The following BRIX1 variants were observed in gnomAD, a reference collection of about 807,000 sequenced individuals.
BRIX1 encodes ribosome biogenesis protein BRX1 homolog.
BRIX1 carries 15 observed loss-of-function variants against 44.0 expected under a neutral mutation model. That is an observed-to-expected ratio of 0.34 (90% CI 0.23 to 0.53). BRIX1 has a LOEUF of 0.53. Ranked by LOEUF, BRIX1 falls within the 20% of genes least tolerant of loss-of-function variation. BRIX1 has a pLI of 0.95. For synonymous variants in BRIX1, 149 were observed against 135.4 expected, an observed-to-expected ratio of 1.10 and a Z score of -0.70; for missense variants, 420 against 432.8, an observed-to-expected ratio of 0.97 and a Z score of 0.26.
Position 34,915,751 on chromosome 5 carries a change from A to G in BRIX1, c.13A>G (p.Lys5Glu), listed in dbSNP as rs41270681. ...GCGGCGAGGCAAGATGGCGGCAACC[A>G]AGAGGAAACGGCGTGGAGGCTTTGC... MAAT[K>E]RKRRGGFAVQ... The change falls in exon 1 of 10, where the codon AAG becomes GAG. Residue 5 changes from lysine to glutamate, a missense_variant. Transcript: ENST00000336767. 3.7e-6 allele frequency: 6 copies of G among 1,603,608 alleles called. No homozygotes were observed. Among genetic ancestry groups the G allele is most frequent in the Non-Finnish European group, 5.1e-6 (6 of 1,175,266 alleles).
chr5:34,918,344 A>T lies in BRIX1; in HGVS notation c.160-20A>T. 1 of 1,239,532 alleles carries T rather than the reference A, an allele frequency of 8.1e-7. No homozygotes were observed. The highest frequency in any genetic ancestry group is 1.2e-6 in the Non-Finnish European group (1 of 847,458). 76.8% of individuals were successfully genotyped at this position (1,239,532 alleles called of 1,614,324 possible). A position where few individuals can be genotyped will look rare whatever the true frequency, so the allele number is the denominator to read the frequency against. ...TCAGTATAAGATTTTAAAATCTTTT[A>T]ACATTTTCTTTTTCTTTAGGGAAAG... On this transcript the variant is annotated intron_variant, in intron 1 of 9. Coordinates refer to ENST00000336767, the MANE Select transcript of BRIX1 (RefSeq NM_018321.4).
At chr5:34,916,988 T>G (rs1339454565) in intron 1 of BRIX1, among the ~76,000 whole-genome samples, 1 of 152,218 alleles carries the variant, frequency 6.6e-6, no homozygotes, top group African/African-American at 2.4e-5. Context: ...TGAGCCATAC[T>G]TCGATACATT....
chr5:34,918,070 G>C, intron 1 of BRIX1: 1 of 204,934 alleles, frequency 4.9e-6, no homozygotes, highest in East Asian at 1.1e-4. Flanking sequence ...CCAGCGCTTT[G>C]GGAGGCCAAG....
At position 34,922,266 on chromosome 5, in the gene BRIX1, A is replaced by G. The variant is rs1232925414; in HGVS notation, c.365A>G (p.Lys122Arg). ...AAATGCATCTATTTTGAAGCTAAGA[A>G]AAAACAGGATCTCTATATGTGGTAA... ...CNKCIYFEAKKKQDLYMWLSN... is the reference protein window; with the variant it reads ...CNKCIYFEAKRKQDLYMWLSN... Residue 122 changes from lysine (K) to arginine (R), a missense_variant, in exon 4 of 10, where the codon AAA becomes AGA. Lys to Arg is a conservative substitution (Grantham distance 26). Transcript: ENST00000336767. 2 of 1,590,230 alleles carry G rather than the reference A, an allele frequency of 1.3e-6. No individual in the cohort carries two copies. Among genetic ancestry groups the G allele is most frequent in the Admixed American group, 1.7e-5 (1 of 58,606 alleles).
chr5:34,918,140 CA>C (rs1184236238), intron 1 of BRIX1: 4,403 of 103,310 alleles, frequency 0.043, no homozygotes, highest in Middle Eastern at 0.068. Context: ...CCCATCTCTA[CA>C]AAAAAAAAAA....
intron 2 of BRIX1, among the ~76,000 whole-genome samples, chr5:34,919,278 A>C (rs1044543322): frequency 6.8e-6 from 1 of 147,886 alleles, no homozygotes; most frequent in Non-Finnish European, 1.5e-5. Context: ...CTGTCTCAAA[A>C]AAAAAAAAAA....
intron 8 of BRIX1, 76 bp from the exon 9 acceptor site, chr5:34,924,771 T>A (rs1764316228): frequency 1.1e-6 from 1 of 911,614 alleles, no homozygotes; most frequent in South Asian, 1.7e-5. Flanking sequence ...GGCACATTTA[T>A]AATGAGGTTA....
rs761108919 is a variant in BRIX1 at position 34,924,974 on chromosome 5, T to C, written c.791T>C (p.Met264Thr). The C allele has an allele frequency of 3.1e-6, 5 of 1,612,666 alleles. No individual in the cohort carries two copies. Among genetic ancestry groups the C allele is most frequent in the Admixed American group, 3.3e-5 (2 of 59,918 alleles). ...YENPHYQSPN[M>T]HRRVIRSITA... is the part of the protein sequence containing the mutation. ...AATCCTCACTACCAGTCACCAAACA[T>C]GGTAAGCGGTTGTGTCATTCAGTAG... The change falls in exon 9 of 10, where the codon ATG (methionine) becomes ACG (threonine). Residue 264 changes from methionine to threonine, a missense_variant and splice_region_variant. Met to Thr is a moderately conservative substitution (Grantham distance 81, BLOSUM62 -1). Transcript: ENST00000336767.
Position 34,922,751 on chromosome 5 carries a change from C to T in BRIX1, c.493C>T (p.Leu165Phe), listed in dbSNP as rs770554511. The T allele has an allele frequency of 1.7e-5, 27 of 1,613,866 alleles. No homozygotes were observed. The highest frequency in any genetic ancestry group is 1.6e-4 in the Middle Eastern group (1 of 6,082). The change falls in exon 6 of 10, where the codon CTT (leucine) becomes TTT (phenylalanine). Residue 165 changes from leucine to phenylalanine, a missense_variant. Coordinates refer to ENST00000336767, the MANE Select transcript of BRIX1 (RefSeq NM_018321.4). ...AAACTGTTTGAAAGGTTCTCGGCCC[C>T]TTTTGTCTTTTGACCCTGTAAGTTT... ...TGNCLKGSRP[L>F]LSFDPAFDEL...
At chr5:34,923,681 G>A (rs2111986162) in intron 8 of BRIX1, among the ~76,000 whole-genome samples, 1 of 152,284 alleles carries the variant, frequency 6.6e-6, no homozygotes, top group Non-Finnish European at 1.5e-5. Context: ...AGGTGGGATT[G>A]CAGTTGTGAG....
rs1311655915 is a variant in BRIX1 at position 34,925,548 on chromosome 5, A to G, written c.*53A>G. On this transcript the variant is annotated 3_prime_UTR_variant, in exon 10 of 10. Transcript: ENST00000336767. ...GTTACTTTATATTTATTTTGTATTCAATGTGTAAATACTTTTATTATCTAA... is the reference window on the plus strand; with the variant it reads ...GTTACTTTATATTTATTTTGTATTCGATGTGTAAATACTTTTATTATCTAA... 6.8e-7 allele frequency: 1 copy of G among 1,480,070 alleles called. No individual in the cohort carries two copies. The highest frequency in any genetic ancestry group is 1.4e-5 in the African/African-American group (1 of 70,364). The allele number at this position is 1,480,070 out of a possible 1,614,324, so 91.7% of individuals were successfully genotyped here.
chr5:34,916,731 G>A (rs192141464), intron 1 of BRIX1: 2 of 152,350 alleles, frequency 1.3e-5, no homozygotes, highest in African/African-American at 4.8e-5. Flanking sequence ...CGGAGTAGGT[G>A]ATAAGTAAAT....
intron 2 of BRIX1, among the ~76,000 whole-genome samples, chr5:34,919,387 T>G (rs1764192214): frequency 6.6e-6 from 1 of 152,000 alleles, no homozygotes; most frequent in African/African-American, 2.4e-5. Flanking sequence ...TGTTTTTTGT[T>G]TTTTATTTTT....
intron 3 of BRIX1, 72 bp from the exon 4 acceptor site, chr5:34,922,145 T>C (rs903880593): frequency 3.6e-6 from 3 of 834,682 alleles, no homozygotes; most frequent in Non-Finnish European, 5.8e-6. Context: ...CTGGATGATA[T>C]TAATCACATA....
In BRIX1 at chr5:34,918,679, T is replaced by C. The variant is rs1278509637; in HGVS notation, c.271+204T>C. On this transcript the variant is annotated intron_variant, in intron 2 of 9. Coordinates refer to ENST00000336767, the MANE Select transcript of BRIX1 (RefSeq NM_018321.4). ...TTCATTAGGTAGATTCTTTACTTTTTAAAACAGGTGTCCTAATATTATTGA... is the reference window on the plus strand; with the variant it reads ...TTCATTAGGTAGATTCTTTACTTTTCAAAACAGGTGTCCTAATATTATTGA... 6.6e-6 allele frequency: 3 copies of C among 452,118 alleles called. No individual in the cohort carries two copies. In the East Asian group the frequency reaches 1.1e-4, roughly 17 times the overall value. The allele number at this position is 452,118 out of a possible 1,614,324, so 28.0% of individuals were successfully genotyped here.
intron 3 of BRIX1, chr5:34,920,584 A>G (rs1344877485): frequency 8.5e-5 from 13 of 152,218 alleles, no homozygotes; most frequent in Admixed American, 7.9e-4. Flanking sequence ...GACAGGCCAT[A>G]AACAAGGTTT....
intron 1 of BRIX1, chr5:34,916,107 A>G: frequency 2.0e-6 from 1 of 508,238 alleles, no homozygotes; most frequent in Non-Finnish European, 3.3e-6. Context: ...GGCGGGTTTT[A>G]AAACCTTTAC....
At chr5:34,922,374 A>C (rs530501490) in intron 4 of BRIX1, 87 bp downstream of exon 4, 39 of 976,306 alleles carry the variant, frequency 4.0e-5, no homozygotes, top group Middle Eastern at 4.4e-4. Flanking sequence ...CTAGTGTTTC[A>C]TGTTAAGGGT....
rs376694016 is a variant in BRIX1 at position 34,919,370 on chromosome 5, GT to G, written c.272-463del. On this transcript the variant is annotated intron_variant, in intron 2 of 9. Transcript: ENST00000336767. ...TGCTTATGTTGAGAGGTGCTTTGGG[GT>G]TTTTTTGTTTTTTGTTTTTTATTTT... Among the ~76,000 whole-genome samples, 6 of 151,458 alleles carry G rather than the reference GT, an allele frequency of 4.0e-5. 1 individual carries two copies. The highest frequency in any genetic ancestry group is 1.5e-4 in the African/African-American group (6 of 41,342).
Sources: gnomAD v4.1 joint callset for allele counts (sites outside exome capture counted in the v4.1 genomes callset) on GRCh38, gnomAD v4.1.1 for gene constraint, MANE v1.5 for transcripts, NCBI Gene and HGNC (gene_info 2026-07-23, HGNC 2026-07-21) for gene names.